The following WDFY3 variants were observed in gnomAD, a reference collection of about 807,000 sequenced individuals.
WDFY3 encodes the protein WD repeat and FYVE domain containing 3.
A neutral mutation model predicts 409.6 loss-of-function variants in WDFY3; 66 were observed. That is an observed-to-expected ratio of 0.16 (90% CI 0.13 to 0.20). The LOEUF (loss-of-function observed/expected upper bound fraction) is 0.20, where lower values mean the gene tolerates loss of function less well. WDFY3 is among the 10% of genes least tolerant of loss of function. The probability of loss-of-function intolerance (pLI) is 1.00; values close to 1 mark genes in which losing one functional copy is unlikely to be tolerated. For missense variants in WDFY3, 3,031 were observed against 4,298.1 expected, an observed-to-expected ratio of 0.71 and a Z score of 8.24; for synonymous variants, 1,521 against 1,537.1, an observed-to-expected ratio of 0.99 and a Z score of 0.25.
At chr4:84,740,029 T>C (rs983024660) in intron 39 of WDFY3, among the ~76,000 whole-genome samples, 158 bp downstream of exon 39, 8 of 152,160 alleles carry the variant, frequency 5.3e-5, no homozygotes, top group Non-Finnish European at 1.0e-4. Context: ...ATTATTTCAC[T>C]GCAAAAATTC....
At position 84,771,466 on chromosome 4, in the gene WDFY3, C is replaced by A. The variant is rs1039321423; in HGVS notation, c.4849+1369G>T. On this transcript the variant is annotated intron_variant, in intron 30 of 67. Coordinates refer to ENST00000295888, the MANE Select transcript of WDFY3 (RefSeq NM_014991.6). ...ATATTTTTTATACTTGAAATAAATGCATTACATATTTCAGCAATCTTTAAA... is the reference window on the plus strand; with the variant it reads ...ATATTTTTTATACTTGAAATAAATGAATTACATATTTCAGCAATCTTTAAA... Among the ~76,000 whole-genome samples the A allele has an allele frequency of 7.2e-5, 11 of 152,260 alleles. No homozygotes were observed. In the East Asian group the frequency reaches 2.1e-3, roughly 29 times the overall value.
chr4:84,703,531 T>G (rs925077409), intron 55 of WDFY3, among the ~76,000 whole-genome samples: 1 of 152,118 alleles, frequency 6.6e-6, no homozygotes, highest in East Asian at 1.9e-4. Context: ...CAACTAACTT[T>G]CCTCCTTACT....
chr4:84,916,423 A>T (rs1247574577), intron 2 of WDFY3, among the ~76,000 whole-genome samples: 1 of 152,204 alleles, frequency 6.6e-6, no homozygotes, highest in African/African-American at 2.4e-5. Context: ...AATGATTTAC[A>T]ATCATTAGAT....
At chr4:84,836,015 G>C (rs1363894565) in intron 7 of WDFY3, among the ~76,000 whole-genome samples, 1 of 152,088 alleles carries the variant, frequency 6.6e-6, no homozygotes, top group Non-Finnish European at 1.5e-5. Flanking sequence ...TTTAACTGTT[G>C]ATTGGGTTAA....
In WDFY3 at chr4:84,860,546, ACTC is replaced by A; in HGVS notation, c.43_45del (p.Glu15del). 1.9e-6 allele frequency: 3 copies of A among 1,612,454 alleles called. No individual in the cohort carries two copies. The highest frequency in any genetic ancestry group is 2.5e-6 in the Non-Finnish European group (3 of 1,179,070). On this transcript the variant is annotated inframe_deletion, in exon 4 of 68. Coordinates refer to ENST00000295888, the MANE Select transcript of WDFY3 (RefSeq NM_014991.6). The stretch of plus-strand genomic sequence containing the variant: ...CCTAAGGCGTTGTCTTGTGGGCTGC[ACTC>A]CTCCTGCCTCGGCCGCCCCATGATC...
At chr4:84,840,091 A>T (rs1016769154) in intron 6 of WDFY3, among the ~76,000 whole-genome samples, 1 of 152,166 alleles carries the variant, frequency 6.6e-6, no homozygotes, top group Admixed American at 6.5e-5. Flanking sequence ...TTGAAAGTCC[A>T]CTGTAACTTA....
At position 84,740,055 on chromosome 4, in the gene WDFY3, C is replaced by A. The variant is rs556989094; in HGVS notation, c.6464+132G>T. 544 of 938,608 alleles carry A rather than the reference C, an allele frequency of 5.8e-4. 1 individual carries two copies. Among genetic ancestry groups the A allele is most frequent in the Non-Finnish European group, 8.0e-4 (509 of 632,572 alleles). 58.1% of individuals were successfully genotyped at this position (938,608 alleles called of 1,614,324 possible). On this transcript the variant is annotated intron_variant, in intron 39 of 67. Transcript: ENST00000295888. ...GCAAAAATTCAACACTTGCCCTTTA[C>A]CTTTTTACATAAAGGTTTAAATAAA...
intron 67 of WDFY3, among the ~76,000 whole-genome samples, chr4:84,674,157 A>G (rs1725870518): frequency 6.6e-6 from 1 of 152,334 alleles, no homozygotes; most frequent in East Asian, 1.9e-4. Context: ...GCTTCCATCC[A>G]ACATTTAATA....
intron 51 of WDFY3, among the ~76,000 whole-genome samples, chr4:84,712,630 A>G (rs1354305202): frequency 1.3e-5 from 2 of 151,808 alleles, no homozygotes; most frequent in Non-Finnish European, 2.9e-5. Flanking sequence ...CTGAGGCAGG[A>G]GAATCGCCAT....
At chr4:84,965,065 A>AT (rs1478749019) in intron 1 of WDFY3, among the ~76,000 whole-genome samples, 9 of 152,066 alleles carry the variant, frequency 5.9e-5, no homozygotes, top group Non-Finnish European at 1.3e-4. Flanking sequence ...TTAAAGTCGG[A>AT]TTTTTTTACT....
chr4:84,907,223 A>G (rs1016209963), intron 2 of WDFY3, among the ~76,000 whole-genome samples: 1 of 152,206 alleles, frequency 6.6e-6, no homozygotes, highest in Non-Finnish European at 1.5e-5. Flanking sequence ...TTTCAAAGGT[A>G]GAGTCTAATT....
chr4:84,857,405 T>C (rs920628753), intron 4 of WDFY3, among the ~76,000 whole-genome samples: 6 of 152,172 alleles, frequency 3.9e-5, no homozygotes, highest in Admixed American at 3.3e-4. Context: ...TATTACTTAA[T>C]AATTCATGTT....
intron 5 of WDFY3, among the ~76,000 whole-genome samples, chr4:84,842,575 C>T (rs1396338412): frequency 2.0e-5 from 3 of 151,710 alleles, no homozygotes; most frequent in East Asian, 3.9e-4. Context: ...GTCAGGAGAT[C>T]GAGGCCATCT....
chr4:84,704,502 T>C (rs952804844), intron 54 of WDFY3, 58 bp from the exon 55 acceptor site: 2 of 1,363,288 alleles, frequency 1.5e-6, no homozygotes, highest in South Asian at 1.3e-5. Flanking sequence ...AAAAATAAAA[T>C]TGGTATTAAT....
Position 84,789,104 on chromosome 4 carries a change from G to A in WDFY3, c.3669+622C>T, listed in dbSNP as rs144602016. ...AAGGTCAAGAATTTTCAGAGCTTGCGAACTGAGTTCTGTACAAAGTAACAA... is the reference window on the plus strand; with the variant it reads ...AAGGTCAAGAATTTTCAGAGCTTGCAAACTGAGTTCTGTACAAAGTAACAA... On this transcript the variant is annotated intron_variant, in intron 22 of 67. Coordinates refer to ENST00000295888, the MANE Select transcript of WDFY3 (RefSeq NM_014991.6). Among the ~76,000 whole-genome samples the A allele has an allele frequency of 3.0e-3, 457 of 152,232 alleles. 3 individuals are homozygous for A. Among genetic ancestry groups the A allele is most frequent in the African/African-American group, 0.01 (436 of 41,552 alleles).
chr4:84,785,133 T>C (rs1197702002), intron 24 of WDFY3, among the ~76,000 whole-genome samples: 1 of 151,996 alleles, frequency 6.6e-6, no homozygotes, highest in African/African-American at 2.4e-5. Flanking sequence ...AACTCCATAA[T>C]GCCTCCCATC....
At chr4:84,810,421 G>T in intron 13 of WDFY3, 77 bp from the exon 14 acceptor site, 1 of 1,197,684 alleles carries the variant, frequency 8.3e-7, no homozygotes, top group South Asian at 1.7e-5. Flanking sequence ...GCATGTATAT[G>T]GAGGTTGTAC....
chr4:84,793,744 C>T (rs1392394431), intron 21 of WDFY3, among the ~76,000 whole-genome samples: 2 of 152,124 alleles, frequency 1.3e-5, no homozygotes, highest in Non-Finnish European at 2.9e-5. Context: ...TATATTGATG[C>T]CTAGCTCTGT....
At position 84,917,396 on chromosome 4, in the gene WDFY3, A is replaced by C. The variant is rs539706569; in HGVS notation, c.-132+14874T>G. ...AAACGTATAATCTAAGTCATTTAGT[A>C]GGGAAGTTTTAAAAGAAATGATAAT... is the stretch of plus-strand genomic sequence containing the variant. On this transcript the variant is annotated intron_variant, in intron 2 of 67. Coordinates refer to ENST00000295888, the MANE Select transcript of WDFY3 (RefSeq NM_014991.6). Among the ~76,000 whole-genome samples the C allele has an allele frequency of 3.1e-3, 466 of 152,322 alleles. 2 individuals carry two copies. Among genetic ancestry groups the C allele is most frequent in the South Asian group, 0.014 (67 of 4,828 alleles).
Sources: gnomAD v4.1 joint callset for allele counts (sites outside exome capture counted in the v4.1 genomes callset) on GRCh38, gnomAD v4.1.1 for gene constraint, MANE v1.5 for transcripts, NCBI Gene and HGNC (gene_info 2026-07-23, HGNC 2026-07-21) for gene names.